Variants in MASP1 observed in about 807,000 individuals in gnomAD.
MASP1 encodes mannan-binding lectin serine protease 1.
MASP1 carries 59 observed loss-of-function variants against 77.1 expected under a neutral mutation model. That is an observed-to-expected ratio of 0.77 (90% CI 0.62 to 0.95). MASP1 has a LOEUF of 0.95. Among genes scored for constraint, MASP1 ranks in the 40% least tolerant of loss-of-function variants. The pLI, the probability that MASP1 is intolerant of heterozygous loss-of-function variation, is 0.00. For synonymous variants in MASP1, 362 were observed against 354.5 expected (o/e 1.02, Z -0.24); for missense variants, 885 against 912.9 (o/e 0.97, Z 0.39).
intron 15 of MASP1, chr3:187,220,994 G>A (rs1255735359): frequency 6.5e-7 from 1 of 1,545,868 alleles, no homozygotes; most frequent in African/African-American, 1.4e-5. Flanking sequence ...ACCACTCCCT[G>A]GCTGGCAGCG....
chr3:187,283,906 C>A (rs1261908185), intron 2 of MASP1, among the ~76,000 whole-genome samples: 2 of 152,214 alleles, frequency 1.3e-5, no homozygotes, highest in Non-Finnish European at 1.5e-5. Context: ...TACAATCCAT[C>A]TTATCCTGGA....
At position 187,236,287 on chromosome 3, in the gene MASP1, T is replaced by C. The variant is rs1713171095; in HGVS notation, c.1584A>G (p.Lys528=). Residue 528 remains lysine, a synonymous_variant, in exon 11 of 11, where the codon AAA becomes AAG. Transcript: ENST00000296280. ...CAGCTGAGCTGTTGACTGCCCCCGA[T>C]TTGTCTCGCACATCATGCAAGCCCA... The part of the protein sequence containing the change: ...VYLGLHDVRD[K]SGAVNSSAAR... 1.2e-6 allele frequency: 2 copies of C among 1,614,216 alleles called. No homozygotes were observed. The highest frequency in any genetic ancestry group is 1.7e-6 in the Non-Finnish European group (2 of 1,180,026).
intron 2 of MASP1, among the ~76,000 whole-genome samples, chr3:187,267,224 C>T (rs1443410426): frequency 6.6e-6 from 1 of 151,766 alleles, no homozygotes; most frequent in African/African-American, 2.4e-5. Flanking sequence ...CTCCTCAAGA[C>T]ATTAGGCAAA....
rs188409489 is a variant in MASP1 at position 187,244,148 on chromosome 3, C to G, written c.1091-527G>C. On this transcript the variant is annotated intron_variant, in intron 8 of 10. Coordinates refer to ENST00000296280, the MANE Select transcript of MASP1 (RefSeq NM_139125.4). ...AAAACCCAGCTCCTGTATGAGTACA[C>G]AGCCCCACCCTGCTGCCTCTCTACA... 2.4e-3 allele frequency: 394 copies of G among 167,402 alleles called. 2 individuals are homozygous for G. Among genetic ancestry groups the G allele is most frequent in the African/African-American group, 9.1e-3 (380 of 41,892 alleles). 10.4% of individuals were successfully genotyped at this position (167,402 alleles called of 1,614,324 possible). A position where few individuals can be genotyped will look rare whatever the true frequency, so the allele number is the denominator to read the frequency against.
At chr3:187,224,382 T>G (rs1712260017) in intron 13 of MASP1, among the ~76,000 whole-genome samples, 1 of 145,852 alleles carries the variant, frequency 6.9e-6, no homozygotes, top group Non-Finnish European at 1.5e-5. Flanking sequence ...AGTCTCGCTC[T>G]GTCGCCCAGG....
intron 13 of MASP1, among the ~76,000 whole-genome samples, chr3:187,224,025 G>A (rs1712228643): frequency 6.6e-6 from 1 of 152,198 alleles, no homozygotes; most frequent in South Asian, 2.1e-4. Flanking sequence ...ATGAGTCAAA[G>A]CCAGCTACAC....
intron 6 of MASP1, among the ~76,000 whole-genome samples, chr3:187,252,211 C>A (rs1714670633): frequency 6.6e-6 from 1 of 152,198 alleles, no homozygotes; most frequent in Non-Finnish European, 1.5e-5. Flanking sequence ...GACACAGTGA[C>A]AGGGAGCTCA....
intron 1 of MASP1, among the ~76,000 whole-genome samples, chr3:187,287,802 G>A (rs550245903): frequency 3.2e-4 from 49 of 152,248 alleles, no homozygotes; most frequent in Middle Eastern, 3.4e-3. Flanking sequence ...TAATCAGGAC[G>A]TTGTTTCTCT....
intron 13 of MASP1, among the ~76,000 whole-genome samples, chr3:187,224,340 A>AT (rs1181826969): frequency 0.063 from 6,409 of 101,900 alleles, 296 homozygotes; most frequent in African/African-American, 0.11. Context: ...TGTGCTGAGT[A>AT]TTTTTTTTTT....
intron 8 of MASP1, chr3:187,243,858 A>G (rs1034110158): frequency 3.4e-5 from 19 of 560,478 alleles, no homozygotes; most frequent in Admixed American, 8.4e-5. Flanking sequence ...TGGTCAACTC[A>G]CCTGCCCAGT....
chr3:187,248,707 C>T (rs73886125), intron 8 of MASP1, among the ~76,000 whole-genome samples: 6,328 of 152,204 alleles, frequency 0.042, 463 homozygotes, highest in African/African-American at 0.14. Context: ...CTTTTCCGTC[C>T]GACTTCCCTA....
At chr3:187,241,685 C>G in intron 9 of MASP1, 130 bp from the exon 10 acceptor site, 1 of 697,808 alleles carries the variant, frequency 1.4e-6, no homozygotes, top group South Asian at 1.5e-5. Context: ...CATCTAGGCT[C>G]AGATACGATT....
chr3:187,284,924 T>C (rs564913520), intron 2 of MASP1, among the ~76,000 whole-genome samples: 5 of 152,356 alleles, frequency 3.3e-5, no homozygotes, highest in African/African-American at 1.2e-4. Flanking sequence ...TTAATTCATG[T>C]TGAATTACTG....
At chr3:187,223,212 CTG>C in intron 13 of MASP1, 1 of 1,610,828 alleles carries the variant, frequency 6.2e-7, no homozygotes, top group Non-Finnish European at 8.5e-7. Flanking sequence ...AGAGAAGATA[CTG>C]TGAGAACAGA....
chr3:187,235,679 T>C lies in MASP1; in HGVS notation c.*5A>G, dbSNP rs1713092800. 6 of 1,614,022 alleles carry C rather than the reference T, an allele frequency of 3.7e-6. No homozygotes were observed. In the East Asian group the frequency reaches 1.3e-4, roughly 36 times the overall value. Reference sequence around the variant, plus strand: ...GGGAGGCAGGCCCCGAGGAAGTAAGTCAGCTCACCGTTCCACCTGGGGCTC... The same window carrying C: ...GGGAGGCAGGCCCCGAGGAAGTAAGCCAGCTCACCGTTCCACCTGGGGCTC... On this transcript the variant is annotated 3_prime_UTR_variant, in exon 11 of 11. Coordinates refer to ENST00000296280, the MANE Select transcript of MASP1 (RefSeq NM_139125.4).
chr3:187,239,138 T>A (rs929882899), intron 10 of MASP1, among the ~76,000 whole-genome samples: 3 of 148,816 alleles, frequency 2.0e-5, no homozygotes, highest in Non-Finnish European at 4.4e-5. Context: ...AGGTGGGGAG[T>A]TCGAGACCAG....
intron 4 of MASP1, among the ~76,000 whole-genome samples, chr3:187,258,443 T>C (rs1007054354): frequency 3.3e-5 from 5 of 152,350 alleles, no homozygotes; most frequent in Admixed American, 3.3e-4. Flanking sequence ...ATTTGTTTAA[T>C]ATGCATGTGT....
intron 2 of MASP1, among the ~76,000 whole-genome samples, chr3:187,280,211 A>C (rs1717299939): frequency 6.6e-6 from 1 of 152,234 alleles, no homozygotes; most frequent in African/African-American, 2.4e-5. Context: ...GAGAGGAATA[A>C]GAATTGGAAC....
intron 9 of MASP1, chr3:187,242,299 G>A (rs1429498778): frequency 1.3e-5 from 2 of 152,414 alleles, no homozygotes; most frequent in Admixed American, 6.5e-5. Context: ...ATCACTTGAG[G>A]TCAGGAGTTT....
Sources: allele counts gnomAD v4.1 joint callset (sites outside exome capture counted in the v4.1 genomes callset), GRCh38; gene constraint gnomAD v4.1.1; transcripts MANE v1.5; gene names NCBI Gene and HGNC (gene_info 2026-07-23, HGNC 2026-07-21).